Variants in BTD observed in about 807,000 individuals in gnomAD.
BTD encodes the protein biocytinase.
Under a neutral mutation model 17.7 loss-of-function variants are expected in BTD, and 13 were observed. That is an observed-to-expected ratio of 0.74 (90% CI 0.48 to 1.17). The LOEUF is 1.17. Ranked by LOEUF, BTD falls within the 50% of genes most tolerant of loss-of-function variation. The pLI is 0.00. For missense variants in BTD, 674 were observed against 650.4 expected (o/e 1.04, Z -0.39); for synonymous variants, 240 against 245.2 (o/e 0.98, Z 0.20).
chr3:15,637,912 A>C (rs906904197), intron 2 of BTD, among the ~76,000 whole-genome samples: 2 of 152,234 alleles, frequency 1.3e-5, no homozygotes, highest in Non-Finnish European at 2.9e-5. Context: ...GCTGCACAGC[A>C]TCACTCCGTC....
At chr3:15,638,984 C>T (rs1261504058) in intron 2 of BTD, among the ~76,000 whole-genome samples, 1 of 152,198 alleles carries the variant, frequency 6.6e-6, no homozygotes, top group African/African-American at 2.4e-5. Flanking sequence ...CAGTGCATGA[C>T]TATATTTCTG....
At chr3:15,643,329 C>T (rs1354015146) in intron 3 of BTD, among the ~76,000 whole-genome samples, 12 of 151,976 alleles carry the variant, frequency 7.9e-5, no homozygotes, top group Admixed American at 1.3e-4. Flanking sequence ...GGTGAAACCT[C>T]GTCTCTACAA....
intron 3 of BTD, among the ~76,000 whole-genome samples, chr3:15,698,063 G>A (rs1003459405): frequency 2.6e-5 from 4 of 151,844 alleles, no homozygotes; most frequent in African/African-American, 9.7e-5. Context: ...GTATTTCTTT[G>A]AGCTCGGTGG....
chr3:15,707,972 C>G lies in BTD; in HGVS notation c.400-2088C>G, dbSNP rs760380774. On this transcript the variant is annotated intron_variant, in intron 3 of 3. Coordinates refer to the BTD transcript ENST00000672141. ...TGCATAGTGCAGGGGTGTGCAGCCT[C>G]TTTCATCAAGGTCATTCACACTTGC... 27 of 1,612,888 alleles carry G rather than the reference C, an allele frequency of 1.7e-5. 1 individual carries two copies. The South Asian group carries it at 3.0e-4, about 18-fold the overall frequency.
chr3:15,664,273 G>C (rs941243441), intron 3 of BTD, among the ~76,000 whole-genome samples: 3 of 152,146 alleles, frequency 2.0e-5, no homozygotes, highest in African/African-American at 7.2e-5. Context: ...CAGTTCTACC[G>C]GTTTTTGCCT....
chr3:15,698,923 G>A (rs1030795533), intron 3 of BTD, among the ~76,000 whole-genome samples: 16 of 152,104 alleles, frequency 1.1e-4, no homozygotes, highest in East Asian at 3.9e-4. Context: ...AAAAGAGCCC[G>A]CATTGCCAAG....
At chr3:15,696,301 G>T in intron 3 of BTD, 2 of 1,103,930 alleles carry the variant, frequency 1.8e-6, no homozygotes, top group African/African-American at 1.6e-5. Flanking sequence ...ATTAACCAAT[G>T]ATAAAAAGAG....
intron 3 of BTD, among the ~76,000 whole-genome samples, chr3:15,679,801 T>A (rs139381414): frequency 7.9e-4 from 120 of 152,222 alleles, no homozygotes; most frequent in African/African-American, 2.8e-3. Context: ...TATCCGTGGG[T>A]TCTGCATCCA....
downstream of BTD, chr3:15,713,519 G>A (rs199732694): frequency 3.1e-6 from 5 of 1,606,406 alleles, no homozygotes; most frequent in African/African-American, 5.4e-5. Context: ...ACCTCGGTAA[G>A]TACTTACTTT....
chr3:15,697,341 G>C (rs2069762004), intron 3 of BTD: 1 of 152,334 alleles, frequency 6.6e-6, no homozygotes, highest in Non-Finnish European at 1.5e-5. Context: ...TTTACTCCAT[G>C]TGAGGGATAA....
chr3:15,631,327 A>G, intron 1 of BTD: 4 of 812,424 alleles, frequency 4.9e-6, no homozygotes, highest in Non-Finnish European at 7.4e-6. Context: ...ATTTTATTAA[A>G]AAGATGTTTT....
intron 3 of BTD, among the ~76,000 whole-genome samples, chr3:15,702,536 G>A (rs184324796): frequency 1.1e-3 from 167 of 152,256 alleles, no homozygotes; most frequent in African/African-American, 3.9e-3. Flanking sequence ...TTTCCTCAAT[G>A]TTAGGCAAAT....
chr3:15,636,753 T>C (rs1396940813), intron 2 of BTD, among the ~76,000 whole-genome samples: 1 of 138,298 alleles, frequency 7.2e-6, no homozygotes, highest in Non-Finnish European at 1.5e-5. Context: ...TAGTCTATAA[T>C]ATATATACAA....
downstream of BTD, among the ~76,000 whole-genome samples, chr3:15,658,553 G>T (rs926081766): frequency 1.3e-4 from 20 of 151,782 alleles, no homozygotes; most frequent in African/African-American, 4.8e-4. Flanking sequence ...CGGATATTCA[G>T]AGTGAGTCAA....
In BTD at chr3:15,647,521, T is replaced by G. The variant is rs1330122061; in HGVS notation, c.*2033T>G. 6.6e-6 allele frequency: 1 copy of G among 152,138 alleles called. No homozygotes were observed. The highest frequency in any genetic ancestry group is 1.5e-5 in the Non-Finnish European group (1 of 68,038). 9.4% of individuals were successfully genotyped at this position (152,138 alleles called of 1,614,324 possible). A position where few individuals can be genotyped will look rare whatever the true frequency, so the allele number is the denominator to read the frequency against. Reference sequence around the variant, plus strand: ...GAATGAATTGCTCGTGAAGTAGAAATGAGGGGAAAAGCAACTAATGGTGGT... The same window carrying G: ...GAATGAATTGCTCGTGAAGTAGAAAGGAGGGGAAAAGCAACTAATGGTGGT... On this transcript the variant is annotated 3_prime_UTR_variant, in exon 4 of 4. Coordinates refer to ENST00000643237, the MANE Select transcript of BTD (RefSeq NM_001370658.1).
At chr3:15,661,700 T>TG (rs2065927152) in intron 3 of BTD, among the ~76,000 whole-genome samples, 2 of 152,198 alleles carry the variant, frequency 1.3e-5, no homozygotes, top group African/African-American at 4.8e-5. Context: ...GTGTTATATC[T>TG]AAAAAGTCAT....
rs1186972723 is a variant in BTD, at chr3:15,687,654, A to ACTAATAGT, written c.400-22406_400-22405insCTAATAGT. Reference sequence around the variant, plus strand: ...TATTCCACAGTATGTTCCCACAGTTATATTAAATACTAATAGTTATTAAAC... The same window carrying ACTAATAGT: ...TATTCCACAGTATGTTCCCACAGTTACTAATAGTTATTAAATACTAATAGTTATTAAAC... On this transcript the variant is annotated intron_variant, in intron 3 of 3. Transcript: ENST00000672141. Among the ~76,000 whole-genome samples the ACTAATAGT allele has an allele frequency of 3.6e-3, 555 of 152,344 alleles. 7 individuals carry two copies. The highest frequency in any genetic ancestry group is 0.013 in the African/African-American group (535 of 41,580).
exon 4 of BTD, among the ~76,000 whole-genome samples, chr3:15,710,342 G>T (rs2072072493): frequency 6.6e-6 from 1 of 152,146 alleles, no homozygotes; most frequent in South Asian, 2.1e-4. Flanking sequence ...ATGTTACAAT[G>T]AAAACTGTAA....
chr3:15,604,612 T>C lies in BTD; in HGVS notation c.-17+2718T>C, dbSNP rs1357296507. 2.6e-5 allele frequency among the ~76,000 whole-genome samples: 4 copies of C among 152,204 alleles called. No homozygotes were observed. In the East Asian group the frequency reaches 7.7e-4, roughly 29 times the overall value. Reference sequence around the variant, plus strand: ...CCAGCTTGAATTTCTCCCTAGAAAATGGGTTTTTATTTTCTACTGCATCGT... The same window carrying C: ...CCAGCTTGAATTTCTCCCTAGAAAACGGGTTTTTATTTTCTACTGCATCGT... On this transcript the variant is annotated intron_variant, in intron 1 of 3. Coordinates refer to ENST00000643237, the MANE Select transcript of BTD (RefSeq NM_001370658.1).
Sources: allele counts gnomAD v4.1 joint callset (sites outside exome capture counted in the v4.1 genomes callset), GRCh38; gene constraint gnomAD v4.1.1; transcripts MANE v1.5; gene names NCBI Gene and HGNC (gene_info 2026-07-23, HGNC 2026-07-21).